The following ZNF827 variants were observed in gnomAD, a reference collection of about 807,000 sequenced individuals.
ZNF827 encodes the protein zinc finger protein 827.
A neutral mutation model predicts 102.4 loss-of-function variants in ZNF827; 13 were observed. The observed-to-expected ratio is 0.13, with a 90% CI of 0.08 to 0.20. The LOEUF (loss-of-function observed/expected upper bound fraction) is 0.20. Ranked by LOEUF, ZNF827 falls within the 10% of genes least tolerant of loss-of-function variation. The pLI, the probability that ZNF827 is intolerant of heterozygous loss-of-function variation, is 1.00. For missense variants in ZNF827, 1,103 were observed against 1,344.4 expected (o/e 0.82, Z 2.81); for synonymous variants, 523 against 536.2 (o/e 0.98, Z 0.34).
In ZNF827 at chr4:145,763,438, ATTC is replaced by A. The variant is rs1267744584; in HGVS notation, c.3231-319_3231-317del. On this transcript the variant is annotated intron_variant, in intron 13 of 14. Transcript: ENST00000508784. This position sits in a 1 kb window ranked among gnomAD's most constrained non-coding sequence, Gnocchi z 4.6. ...AAGGCATTATCAATTTTTTCAAAGT[ATTC>A]TTCTACTTGGTCATCCTAGAACATA... is the stretch of plus-strand genomic sequence containing the variant. 6.6e-6 allele frequency among the ~76,000 whole-genome samples: 1 copy of A among 152,268 alleles called. No homozygotes were observed. Among genetic ancestry groups the A allele is most frequent in the Non-Finnish European group, 1.5e-5 (1 of 68,050 alleles).
intron 8 of ZNF827, among the ~76,000 whole-genome samples, chr4:145,818,877 A>T (rs748430474): frequency 1.3e-5 from 2 of 152,232 alleles, no homozygotes; most frequent in African/African-American, 4.8e-5. Context: ...ACAGTATATT[A>T]GATTGATAGG....
At chr4:145,915,422 A>G (rs1053838623) in intron 1 of ZNF827, among the ~76,000 whole-genome samples, 1 of 152,004 alleles carries the variant, frequency 6.6e-6, no homozygotes, top group African/African-American at 2.4e-5. Flanking sequence ...ACTCCAACCC[A>G]GGCAACAAGA....
chr4:145,911,628 T>C (rs187083206), intron 1 of ZNF827, among the ~76,000 whole-genome samples: 95 of 152,318 alleles, frequency 6.2e-4, no homozygotes, highest in Non-Finnish European at 9.4e-4. Flanking sequence ...ATGAATTATT[T>C]TACAGATGGA....
intron 8 of ZNF827, among the ~76,000 whole-genome samples, chr4:145,819,472 G>GCCAT (rs1742931033): frequency 6.6e-6 from 1 of 152,316 alleles, no homozygotes; most frequent in South Asian, 2.1e-4. Context: ...CAATGGCAAT[G>GCCAT]GGTCTGCTTT....
At chr4:145,909,382 A>C (rs1752102427) in intron 1 of ZNF827, among the ~76,000 whole-genome samples, 1 of 152,230 alleles carries the variant, frequency 6.6e-6, no homozygotes, top group East Asian at 1.9e-4. Context: ...CCAGCATCAG[A>C]TAGGATGTCG....
At chr4:145,814,998 G>T (rs910344460) in intron 8 of ZNF827, among the ~76,000 whole-genome samples, 1 of 152,072 alleles carries the variant, frequency 6.6e-6, no homozygotes, top group Non-Finnish European at 1.5e-5. Context: ...CTCACAATCC[G>T]CTTCTGGGGA....
In ZNF827 at chr4:145,759,137, GATAA is replaced by G. The variant is rs1277869439; in HGVS notation, c.*2475_*2478del. The G allele has an allele frequency of 6.6e-6, 1 of 152,106 alleles. No homozygotes were observed. The highest frequency in any genetic ancestry group is 1.9e-4 in the East Asian group (1 of 5,194). The allele number at this position is 152,106 out of a possible 1,614,324, so 9.4% of individuals were successfully genotyped here. The stretch of plus-strand genomic sequence containing the variant: ...CCTCCTGTACACCAGTTCTCCAATA[GATAA>G]ATAATATATAAACTTTTATATTCCA... On this transcript the variant is annotated 3_prime_UTR_variant, in exon 15 of 15. Coordinates refer to ENST00000508784, the MANE Select transcript of ZNF827 (RefSeq NM_001306215.2).
intron 2 of ZNF827, among the ~76,000 whole-genome samples, chr4:145,896,165 G>C (rs1750957690): frequency 6.6e-6 from 1 of 152,332 alleles, no homozygotes; most frequent in East Asian, 1.9e-4. Context: ...GTTGTAGTAA[G>C]AGTAGTGACA....
In ZNF827 at chr4:145,866,015, A is replaced by G. The variant is rs555421244; in HGVS notation, c.1981+4230T>C. ...CCCTTTCCATCATGTGGACTGGGTA[A>G]CAGAAGAAGTCCATCTGTCGGTCCA... is the stretch of plus-strand genomic sequence containing the variant. On this transcript the variant is annotated intron_variant, in intron 5 of 14. Coordinates refer to ENST00000508784, the MANE Select transcript of ZNF827 (RefSeq NM_001306215.2). 2.0e-5 allele frequency among the ~76,000 whole-genome samples: 3 copies of G among 152,274 alleles called. No individual in the cohort carries two copies. The East Asian group carries it at 5.8e-4, about 29-fold the overall frequency.
chr4:145,827,106 C>T (rs564644729), intron 7 of ZNF827, among the ~76,000 whole-genome samples: 1 of 152,296 alleles, frequency 6.6e-6, no homozygotes, highest in African/African-American at 2.4e-5. Flanking sequence ...ACTGCATTAT[C>T]CCTATTTTAC....
Position 145,796,394 on chromosome 4 carries a change from G to A in ZNF827, c.2384-16883C>T, listed in dbSNP as rs116818166. 5.0e-3 allele frequency among the ~76,000 whole-genome samples: 767 copies of A among 152,212 alleles called. 5 individuals carry two copies. The highest frequency in any genetic ancestry group is 0.017 in the African/African-American group (685 of 41,512). On this transcript the variant is annotated intron_variant, in intron 8 of 14. Coordinates refer to ENST00000508784, the MANE Select transcript of ZNF827 (RefSeq NM_001306215.2). ...TGGGGTAGAGAGAGATTAGGTTAGC[G>A]GAGCAAGGAGCAGTGAATTGTTGGT... is the stretch of plus-strand genomic sequence containing the variant.
intron 5 of ZNF827, among the ~76,000 whole-genome samples, chr4:145,850,010 A>ATTTTTTTTTTTTTTTTTTTTTTTTTTT (rs541497382): frequency 7.0e-6 from 1 of 142,256 alleles, no homozygotes. Context: ...TTCTCCCTCT[A>ATTTTTTTTTTTTTTTTTTTTTTTTTTT]TTTTTTTTTT....
At chr4:145,778,429 C>T (rs908332972) in intron 9 of ZNF827, among the ~76,000 whole-genome samples, 10 of 152,102 alleles carry the variant, frequency 6.6e-5, no homozygotes, top group African/African-American at 9.7e-5. Context: ...CCATCGCGCC[C>T]GACAACAAAA....
chr4:145,809,727 A>C (rs990898912), intron 8 of ZNF827, among the ~76,000 whole-genome samples: 1 of 152,144 alleles, frequency 6.6e-6, no homozygotes, highest in African/African-American at 2.4e-5. Context: ...TGACTCAACC[A>C]GTCCTGTGGC....
chr4:145,768,844 G>C (rs567300097), intron 11 of ZNF827, among the ~76,000 whole-genome samples: 28 of 73,356 alleles, frequency 3.8e-4, no homozygotes, highest in Non-Finnish European at 6.1e-4. Context: ...GGGTGACAGA[G>C]CAAGACTCCG....
chr4:145,892,582 T>A (rs1180627130), intron 2 of ZNF827, among the ~76,000 whole-genome samples, 167 bp from the exon 3 acceptor site: 2 of 152,248 alleles, frequency 1.3e-5, no homozygotes, highest in Non-Finnish European at 2.9e-5. Context: ...CTGCTTTTCT[T>A]CAGGTAGAAA....
In ZNF827 at chr4:145,763,551, A is replaced by G. The variant is rs775154008; in HGVS notation, c.3231-429T>C. ...CAGAATTCACTGTGCATTCTCCCCAATGGCTTCAGAGGCTGGGGACTTTGG... is the reference window on the plus strand; with the variant it reads ...CAGAATTCACTGTGCATTCTCCCCAGTGGCTTCAGAGGCTGGGGACTTTGG... On this transcript the variant is annotated intron_variant, in intron 13 of 14. Coordinates refer to ENST00000508784, the MANE Select transcript of ZNF827 (RefSeq NM_001306215.2). The surrounding 1 kb of genome is among the most constrained non-coding windows in gnomAD (Gnocchi z 4.6). Among the ~76,000 whole-genome samples the G allele has an allele frequency of 2.4e-4, 36 of 152,190 alleles. No homozygotes were observed. The highest frequency in any genetic ancestry group is 6.8e-4 in the African/African-American group (28 of 41,454).
At chr4:145,904,212 A>T (rs1751647619) in intron 1 of ZNF827, among the ~76,000 whole-genome samples, 1 of 152,158 alleles carries the variant, frequency 6.6e-6, no homozygotes, top group Non-Finnish European at 1.5e-5. Flanking sequence ...GTCCAATTCT[A>T]CTTACCCTTC....
At chr4:145,771,755 A>G (rs1168996605) in intron 11 of ZNF827, among the ~76,000 whole-genome samples, 2 of 152,238 alleles carry the variant, frequency 1.3e-5, no homozygotes, top group Non-Finnish European at 2.9e-5. Context: ...GTAGGAGACT[A>G]AACAAAATGC....
Sources: gnomAD v4.1 joint callset for allele counts (sites outside exome capture counted in the v4.1 genomes callset) on GRCh38, gnomAD v4.1.1 for gene constraint, Gnocchi (gnomAD v3.1) non-coding constraint, MANE v1.5 for transcripts, NCBI Gene and HGNC (gene_info 2026-07-23, HGNC 2026-07-21) for gene names.